The following ZFAT variants were observed in gnomAD, a reference collection of about 807,000 sequenced individuals.
ZFAT encodes zinc finger protein ZFAT.
A neutral mutation model predicts 117.7 loss-of-function variants in ZFAT; 64 were observed. The observed-to-expected ratio is 0.54, with a 90% CI of 0.44 to 0.67. ZFAT has a LOEUF of 0.67. ZFAT is among the 30% of genes least tolerant of loss of function. ZFAT has a pLI of 0.00. For missense variants in ZFAT, 1,433 were observed against 1,584.5 expected, an observed-to-expected ratio of 0.90 and a Z score of 1.62; for synonymous variants, 679 against 615.0, an observed-to-expected ratio of 1.10 and a Z score of -1.54.
chr8:134,681,597 C>G (rs1038031039), intron 1 of ZFAT, among the ~76,000 whole-genome samples: 2 of 152,176 alleles, frequency 1.3e-5, no homozygotes, highest in African/African-American at 4.8e-5. Context: ...ACATCTCTTA[C>G]TTCTTCTCCT....
In ZFAT at chr8:134,536,619, GGCAGAGGTAGGGAATAGCATCCCTAACT is replaced by G. The variant is rs373302547; in HGVS notation, c.2977-3675_2977-3648del. Among the ~76,000 whole-genome samples, 67 of 152,282 alleles carry G rather than the reference GGCAGAGGTAGGGAATAGCATCCCTAACT, an allele frequency of 4.4e-4. 1 individual carries two copies. The highest frequency in any genetic ancestry group is 1.5e-3 in the African/African-American group (61 of 41,564). On this transcript the variant is annotated intron_variant, in intron 11 of 15. Coordinates refer to ENST00000377838, the MANE Select transcript of ZFAT (RefSeq NM_020863.4). ...TGGGGCTGATGCAGGGAAGGACACA[GGCAGAGGTAGGGAATAGCATCCCTAACT>G]GCAAGTCTCAAGATTTCATTTATGA...
chr8:134,553,359 C>T (rs1229325676), intron 11 of ZFAT, among the ~76,000 whole-genome samples: 3 of 152,082 alleles, frequency 2.0e-5, no homozygotes, highest in Admixed American at 1.3e-4. Flanking sequence ...AAAAATTAGC[C>T]GGGCGCGGTG....
rs1438595068 is a variant in ZFAT at position 134,602,623 on chromosome 8, C to T, written c.1096G>A (p.Val366Ile). 7.4e-6 allele frequency: 12 copies of T among 1,614,074 alleles called. No individual in the cohort carries two copies. Among genetic ancestry groups the T allele is most frequent in the Middle Eastern group, 1.6e-4 (1 of 6,082 alleles). The change falls in exon 6 of 16, where the codon GTC becomes ATC. Residue 366 changes from valine (V) to isoleucine (I), a missense_variant. Val to Ile is a conservative substitution (Grantham distance 29, BLOSUM62 3). Coordinates refer to ENST00000377838, the MANE Select transcript of ZFAT (RefSeq NM_020863.4). ...CGGATGTGCTTGATGAGGTTCTTGA[C>T]GTCAGAGTACTTCTTCTTGCAGAAG... ...CRFCKKKYSD[V>I]KNLIKHIRDA... is the part of the protein sequence containing the mutation.
intron 10 of ZFAT, among the ~76,000 whole-genome samples, chr8:134,570,556 G>T (rs1396626368): frequency 1.3e-5 from 2 of 152,194 alleles, no homozygotes; most frequent in African/African-American, 4.8e-5. Flanking sequence ...CACCCTTGCA[G>T]GTTGTGGGTA....
intron 2 of ZFAT, among the ~76,000 whole-genome samples, chr8:134,640,569 G>A (rs559621150): frequency 4.6e-5 from 7 of 152,128 alleles, no homozygotes; most frequent in South Asian, 4.1e-4. Context: ...TATCCCCCTC[G>A]CACCTAACCT....
chr8:134,637,735 C>T (rs578204671), intron 2 of ZFAT, 23 bp from the exon 3 acceptor site: 6 of 1,605,754 alleles, frequency 3.7e-6, no homozygotes, highest in Non-Finnish European at 5.1e-6. Context: ...CAAGAGGGCA[C>T]AATGGAATCA....
At chr8:134,807,744 C>G in the ZFAT span, among the ~76,000 whole-genome samples, 1 of 150,462 alleles carries the variant, frequency 6.6e-6, no homozygotes, top group Non-Finnish European at 1.5e-5. Context: ...AACACAGATA[C>G]TCCCAAAGAG....
intron 13 of ZFAT, among the ~76,000 whole-genome samples, chr8:134,515,423 C>A (rs1187429265): frequency 6.6e-6 from 1 of 152,216 alleles, no homozygotes; most frequent in African/African-American, 2.4e-5. Context: ...TACATTCCCA[C>A]CAACAGTGTA....
chr8:134,777,798 G>C, the ZFAT span, among the ~76,000 whole-genome samples: 2 of 152,126 alleles, frequency 1.3e-5, no homozygotes, highest in Non-Finnish European at 2.9e-5. Context: ...GCACTAATAT[G>C]ACAATTAGGC....
At chr8:134,639,681 T>C (rs1249582168) in intron 2 of ZFAT, 1 of 456,218 alleles carries the variant, frequency 2.2e-6, no homozygotes, top group Non-Finnish European at 4.4e-6. Context: ...TTTCTCCTTA[T>C]TCTTCTTCAC....
At chr8:134,782,757 C>A in the ZFAT span, among the ~76,000 whole-genome samples, 2 of 152,038 alleles carry the variant, frequency 1.3e-5, no homozygotes, top group African/African-American at 4.8e-5. Context: ...TCCCCAGCCA[C>A]GTGGAACTAT....
At chr8:134,766,220 GAA>G in the ZFAT span, 1 of 152,180 alleles carries the variant, frequency 6.6e-6, no homozygotes, top group Non-Finnish European at 1.5e-5. Flanking sequence ...ATGACTGAAT[GAA>G]AATATTTCAT....
chr8:134,580,150 T>A (rs538275067), intron 10 of ZFAT, among the ~76,000 whole-genome samples: 1 of 152,082 alleles, frequency 6.6e-6, no homozygotes, highest in East Asian at 1.9e-4. Flanking sequence ...GGTATACCTA[T>A]CCCAGTTTAC....
At chr8:134,709,245 G>GAA (rs757313824) in intron 1 of ZFAT, among the ~76,000 whole-genome samples, 16 of 152,224 alleles carry the variant, frequency 1.1e-4, no homozygotes, top group Middle Eastern at 3.2e-3. Flanking sequence ...ATGCTTTCAA[G>GAA]AAGAGAGTGG....
chr8:134,646,396 A>G (rs1178981277), intron 2 of ZFAT, among the ~76,000 whole-genome samples: 1 of 152,166 alleles, frequency 6.6e-6, no homozygotes, highest in Non-Finnish European at 1.5e-5. Flanking sequence ...CAACATACCA[A>G]AACTTATAGG....
At chr8:134,691,885 C>T (rs1453794068) in intron 1 of ZFAT, among the ~76,000 whole-genome samples, 1 of 152,148 alleles carries the variant, frequency 6.6e-6, no homozygotes, top group Non-Finnish European at 1.5e-5. Context: ...ATCATGAAGA[C>T]CAGAACATTT....
At chr8:134,579,621 T>C (rs893817861) in intron 10 of ZFAT, among the ~76,000 whole-genome samples, 6 of 152,060 alleles carry the variant, frequency 3.9e-5, no homozygotes, top group Non-Finnish European at 7.4e-5. Flanking sequence ...ATCTAAATGG[T>C]GTTTAAAGCC....
chr8:134,817,411 AC>A, the ZFAT span, among the ~76,000 whole-genome samples: 1 of 114,600 alleles, frequency 8.7e-6, no homozygotes, highest in East Asian at 2.1e-4. Flanking sequence ...ACACACACAC[AC>A]ACACACACAC....
intron 1 of ZFAT, among the ~76,000 whole-genome samples, chr8:134,703,886 A>AGAGAG (rs1490175015): frequency 6.6e-6 from 1 of 152,184 alleles, no homozygotes; most frequent in Non-Finnish European, 1.5e-5. Flanking sequence ...TGGAAGGGGA[A>AGAGAG]GAGAGGAGAG....
Sources: allele counts gnomAD v4.1 joint callset (sites outside exome capture counted in the v4.1 genomes callset), GRCh38; gene constraint gnomAD v4.1.1; transcripts MANE v1.5; gene names NCBI Gene and HGNC (gene_info 2026-07-23, HGNC 2026-07-21).